Variants in MESD observed in about 807,000 individuals in gnomAD.
MESD encodes mesoderm development LRP chaperone.
In MESD, 7 loss-of-function variants were observed where a neutral mutation model predicts 12.9. The observed-to-expected ratio is 0.54, with a 90% CI of 0.31 to 1.02. The LOEUF is 1.02. MESD is among the 50% of genes least tolerant of loss of function. MESD has a pLI of 0.05. For synonymous variants in MESD, 126 were observed against 115.6 expected (o/e 1.09, Z -0.58); for missense variants, 342 against 296.7 (o/e 1.15, Z -1.12).
At position 80,982,186 on chromosome 15, in the gene MESD, T is replaced by C. The variant is rs1902600507; in HGVS notation, c.214-4A>G. On this transcript the variant is annotated splice_polypyrimidine_tract_variant and splice_region_variant and intron_variant, in intron 1 of 2. Transcript: ENST00000261758. ...CTTCTTCAATGTCATCATCTTTCTA[T>C]CAGATTAGGGGAAAAGCATCAAACC... 1 of 1,612,124 alleles carries C rather than the reference T, an allele frequency of 6.2e-7. No individual in the cohort carries two copies. Among genetic ancestry groups the C allele is most frequent in the African/African-American group, 1.3e-5 (1 of 74,942 alleles).
intron 3 of MESD, among the ~76,000 whole-genome samples, chr15:80,961,539 T>C (rs1034303404): frequency 1.3e-5 from 2 of 152,222 alleles, no homozygotes; most frequent in African/African-American, 4.8e-5. Flanking sequence ...AAATTTTCTG[T>C]AAAGCAATTT....
chr15:80,960,616 G>A (rs964779012), intron 3 of MESD, among the ~76,000 whole-genome samples: 2 of 152,132 alleles, frequency 1.3e-5, no homozygotes, highest in Admixed American at 6.5e-5. Flanking sequence ...ACACAATGTT[G>A]GGGATGAGGA....
intron 3 of MESD, among the ~76,000 whole-genome samples, chr15:80,954,670 C>T (rs1901928509): frequency 6.6e-6 from 1 of 152,130 alleles, no homozygotes; most frequent in Non-Finnish European, 1.5e-5. Flanking sequence ...CCCTCCCTCA[C>T]AGAAAACAAT....
At chr15:80,965,074 T>C (rs762410047) in intron 3 of MESD, among the ~76,000 whole-genome samples, 15 of 152,050 alleles carry the variant, frequency 9.9e-5, no homozygotes, top group Non-Finnish European at 2.1e-4. Context: ...AGGGCTAATA[T>C]CCAGAATCTA....
chr15:80,962,732 G>T (rs1410736869), intron 3 of MESD, among the ~76,000 whole-genome samples: 4 of 152,302 alleles, frequency 2.6e-5, no homozygotes, highest in African/African-American at 9.6e-5. Context: ...GCTCCTGAAT[G>T]ACTACTGGGT....
At chr15:80,974,077 GAGA>G (rs898889505), downstream of MESD, among the ~76,000 whole-genome samples, 7 of 152,254 alleles carry the variant, frequency 4.6e-5, no homozygotes, top group African/African-American at 1.2e-4. Context: ...CCCCACTGGG[GAGA>G]AGAACCCTAG....
chr15:80,987,273 C>G (rs558086137), intron 1 of MESD, among the ~76,000 whole-genome samples: 2 of 152,128 alleles, frequency 1.3e-5, no homozygotes, highest in African/African-American at 4.8e-5. Flanking sequence ...AGGAGAAGAA[C>G]TGCTTCCTAC....
downstream of MESD, among the ~76,000 whole-genome samples, chr15:80,975,240 C>T (rs950183392): frequency 6.6e-5 from 10 of 151,088 alleles, no homozygotes; most frequent in African/African-American, 2.4e-4. Context: ...AAAAACCTAG[C>T]CAGGCATAGT....
chr15:80,959,487 T>C (rs1433491150), intron 3 of MESD, among the ~76,000 whole-genome samples: 1 of 152,104 alleles, frequency 6.6e-6, no homozygotes, highest in African/African-American at 2.4e-5. Flanking sequence ...AAAGAGGATA[T>C]AGGGCAACTC....
At chr15:80,970,725 A>G (rs1199189356) in intron 3 of MESD, 1 of 152,218 alleles carries the variant, frequency 6.6e-6, no homozygotes, top group Non-Finnish European at 1.5e-5. Flanking sequence ...ATCAGAAAGT[A>G]CTGCAATAAG....
chr15:80,969,144 C>A (rs1202634492), intron 3 of MESD, among the ~76,000 whole-genome samples: 1 of 152,028 alleles, frequency 6.6e-6, no homozygotes, highest in African/African-American at 2.4e-5. Flanking sequence ...GAGCTGCCAT[C>A]GTGCCAGTGC....
At position 80,982,109 on chromosome 15, in the gene MESD, A is replaced by G. The variant is rs1902596998; in HGVS notation, c.287T>C (p.Ile96Thr). The G allele has an allele frequency of 1.9e-6, 3 of 1,614,020 alleles. No individual in the cohort carries two copies. Among genetic ancestry groups the G allele is most frequent in the Non-Finnish European group, 2.5e-6 (3 of 1,179,990 alleles). ...RPSAPVDFSK[I>T]DPSKPESILK... ...TATGCTTTCAGGCTTGCTTGGGTCT[A>G]TCTTTGAGAAGTCGACAGGTGCTGA... Residue 96 changes from isoleucine to threonine, a missense_variant, in exon 2 of 3, where the codon ATA becomes ACA. Transcript: ENST00000261758.
At chr15:80,983,694 A>C (rs1902647816) in intron 1 of MESD, among the ~76,000 whole-genome samples, 1 of 152,154 alleles carries the variant, frequency 6.6e-6, no homozygotes, top group African/African-American at 2.4e-5. Flanking sequence ...CCCGCATCAC[A>C]AAGTAGTAAA....
intron 3 of MESD, among the ~76,000 whole-genome samples, chr15:80,967,457 C>T (rs1250583342): frequency 2.0e-5 from 3 of 152,278 alleles, no homozygotes; most frequent in South Asian, 4.1e-4. Flanking sequence ...TTCTTCCAGA[C>T]CCTGGCATGT....
At position 80,979,095 on chromosome 15, in the gene MESD, C is replaced by T; in HGVS notation, c.*124G>A. On this transcript the variant is annotated 3_prime_UTR_variant, in exon 3 of 3. Transcript: ENST00000261758. ...ACCACAAACTGGTCATGTGGCAGAC[C>T]CTTTCTAGAAGACACTAGAATGTCA... 1 of 1,335,784 alleles carries T rather than the reference C, an allele frequency of 7.5e-7. No individual in the cohort carries two copies. Among genetic ancestry groups the T allele is most frequent in the Admixed American group, 2.3e-5 (1 of 43,938 alleles). The allele number at this position is 1,335,784 out of a possible 1,614,324, so 82.7% of individuals were successfully genotyped here. A position where few individuals can be genotyped will look rare whatever the true frequency, so the allele number is the denominator to read the frequency against.
chr15:80,964,529 C>T (rs1205610876), intron 3 of MESD, among the ~76,000 whole-genome samples: 1 of 152,154 alleles, frequency 6.6e-6, no homozygotes, highest in Non-Finnish European at 1.5e-5. Flanking sequence ...ACAAAAAGAA[C>T]AAAGCTGGAG....
chr15:80,965,455 A>G (rs1902158928), intron 3 of MESD, among the ~76,000 whole-genome samples: 1 of 152,238 alleles, frequency 6.6e-6, no homozygotes, highest in South Asian at 2.1e-4. Flanking sequence ...ATTACTGGGT[A>G]TATGCCCAAA....
rs530477841 is a variant in MESD at position 80,960,842 on chromosome 15, G to A, written c.*289-8546C>T. Reference sequence around the variant, plus strand: ...GCCCTGTTTAAGGCCCCAAGAGGCCGAGACATGTCCAGCAGCTGTTCCCTG... The same window carrying A: ...GCCCTGTTTAAGGCCCCAAGAGGCCAAGACATGTCCAGCAGCTGTTCCCTG... On this transcript the variant is annotated intron_variant, in intron 3 of 4. Transcript: ENST00000561312. Among the ~76,000 whole-genome samples the A allele has an allele frequency of 3.9e-5, 6 of 152,294 alleles. 1 individual carries two copies. Among genetic ancestry groups the A allele is most frequent in the African/African-American group, 7.2e-5 (3 of 41,574 alleles).
chr15:80,982,032 C>T lies in MESD; in HGVS notation c.364G>A (p.Gly122Arg), dbSNP rs1461485763. The change falls in exon 2 of 3, where the codon GGA (glycine) becomes AGA (arginine). Residue 122 changes from glycine (G) to arginine (R), a missense_variant. By Grantham distance (125) the Gly-to-Arg change is moderately radical (BLOSUM62 -2). Transcript: ENST00000261758. ...KTLMMFVTVS[G>R]SPTEKETEEI... ...TCTGTCTCCTTCTCAGTAGGGCTTC[C>T]TGATACAGTGACAAACATCATGAGA... 2.5e-6 allele frequency: 4 copies of T among 1,614,048 alleles called. No homozygotes were observed. Among genetic ancestry groups the T allele is most frequent in the Non-Finnish European group, 3.4e-6 (4 of 1,180,044 alleles).
Sources: gnomAD v4.1 joint callset for allele counts (sites outside exome capture counted in the v4.1 genomes callset) on GRCh38, gnomAD v4.1.1 for gene constraint, MANE v1.5 for transcripts, NCBI Gene and HGNC (gene_info 2026-07-23, HGNC 2026-07-21) for gene names.